Variants in GLG1 observed in about 807,000 individuals in gnomAD.
GLG1 encodes Golgi apparatus protein 1.
GLG1 carries 38 observed loss-of-function variants against 160.5 expected under a neutral mutation model. The observed-to-expected ratio is 0.24, with a 90% CI of 0.18 to 0.31. GLG1 has a LOEUF of 0.31. Ranked by LOEUF, GLG1 falls within the 10% of genes least tolerant of loss-of-function variation. The pLI is 1.00. For synonymous variants in GLG1, 644 were observed against 543.4 expected, an observed-to-expected ratio of 1.19 and a Z score of -2.57; for missense variants, 1,373 against 1,505.2, an observed-to-expected ratio of 0.91 and a Z score of 1.45.
Position 74,477,393 on chromosome 16 carries a change from T to G in GLG1, c.1965+3A>C, listed in dbSNP as rs1472286993. On this transcript the variant is annotated splice_donor_region_variant and intron_variant, in intron 12 of 25. Transcript: ENST00000422840. ...AAGACAAACAGAAAGCGATGTCACC[T>G]ACCTGTCCAGTCTCTGTTTTCTCAC... 1.2e-6 allele frequency: 2 copies of G among 1,608,206 alleles called. No homozygotes were observed. The highest frequency in any genetic ancestry group is 1.7e-6 in the Non-Finnish European group (2 of 1,174,740).
chr16:74,526,998 T>C (rs1418453355), intron 2 of GLG1, among the ~76,000 whole-genome samples: 4 of 152,190 alleles, frequency 2.6e-5, no homozygotes, highest in African/African-American at 4.8e-5. Flanking sequence ...GTAAGGGTCA[T>C]GATGGCTAAA....
At chr16:74,521,111 G>A (rs1342777656) in intron 2 of GLG1, among the ~76,000 whole-genome samples, 3 of 152,138 alleles carry the variant, frequency 2.0e-5, no homozygotes, top group Non-Finnish European at 4.4e-5. Flanking sequence ...AAAGAATAGC[G>A]AATGCAAAAG....
chr16:74,476,752 C>T (rs1188579764), intron 12 of GLG1, among the ~76,000 whole-genome samples: 1 of 152,118 alleles, frequency 6.6e-6, no homozygotes, highest in Admixed American at 6.5e-5. Context: ...CCCTCTGCTT[C>T]CTAGATGGAG....
At position 74,590,013 on chromosome 16, in the gene GLG1, T is replaced by TG. The variant is rs146381125; in HGVS notation, c.438+16643_438+16644insC. Among the ~76,000 whole-genome samples the TG allele has an allele frequency of 8.8e-4, 130 of 148,150 alleles. No homozygotes were observed. The East Asian group carries it at 9.1e-3, about 10-fold the overall frequency. ...ACTTCACTTTTGTTGTTGTTGTTGT[T>TG]TTTTTGAGATGGAGTCTAGCTCTGT... On this transcript the variant is annotated intron_variant, in intron 1 of 25. Transcript: ENST00000422840.
chr16:74,497,076 C>T (rs1308840916), intron 4 of GLG1, among the ~76,000 whole-genome samples: 1 of 151,888 alleles, frequency 6.6e-6, no homozygotes, highest in African/African-American at 2.4e-5. Context: ...GTCAGGAGTT[C>T]GAGACCAGCC....
chr16:74,453,012 G>A lies in GLG1; in HGVS notation c.*155C>T. The A allele has an allele frequency of 7.2e-7, 1 of 1,379,786 alleles. No homozygotes were observed. Among genetic ancestry groups the A allele is most frequent in the Non-Finnish European group, 9.4e-7 (1 of 1,064,802 alleles). 85.5% of individuals were successfully genotyped at this position (1,379,786 alleles called of 1,614,324 possible). ...GGAGGAGGACACCATGGACACGAGT[G>A]GAGGCTGGATGGGACAACGCAGTGG... On this transcript the variant is annotated 3_prime_UTR_variant, in exon 26 of 26. Transcript: ENST00000422840.
intron 3 of GLG1, among the ~76,000 whole-genome samples, chr16:74,506,607 C>CAAAAAAAAAAA (rs1567489940): frequency 1.6e-5 from 2 of 126,742 alleles, no homozygotes; most frequent in Admixed American, 9.3e-5. Flanking sequence ...AAAAAAAACT[C>CAAAAAAAAAAA]AAGAGAAACC....
chr16:74,476,647 C>A (rs75812782), intron 12 of GLG1, among the ~76,000 whole-genome samples: 13,742 of 152,132 alleles, frequency 0.09, 630 homozygotes, highest in African/African-American at 0.11. Context: ...CCCACATGAC[C>A]TGCAGTCATG....
At chr16:74,497,444 T>TC (rs2016237636) in intron 4 of GLG1, among the ~76,000 whole-genome samples, 1 of 142,294 alleles carries the variant, frequency 7.0e-6, no homozygotes, top group Admixed American at 6.8e-5. Context: ...CTTTTTTTTT[T>TC]TTTTTTTTTT....
chr16:74,504,178 C>A (rs1017923019), intron 3 of GLG1, among the ~76,000 whole-genome samples: 2 of 152,110 alleles, frequency 1.3e-5, no homozygotes, highest in African/African-American at 2.4e-5. Flanking sequence ...AAAGTGAAGT[C>A]CAGCTGCATA....
At chr16:74,591,444 C>T (rs1043081168) in intron 1 of GLG1, among the ~76,000 whole-genome samples, 2 of 151,944 alleles carry the variant, frequency 1.3e-5, no homozygotes, top group Non-Finnish European at 2.9e-5. Context: ...CTGGCTAACA[C>T]GGTGAAATCC....
At chr16:74,583,410 C>T (rs769477085) in intron 1 of GLG1, among the ~76,000 whole-genome samples, 47 of 152,156 alleles carry the variant, frequency 3.1e-4, no homozygotes, top group Admixed American at 2.1e-3. Flanking sequence ...CGCAGAGTTT[C>T]GCTCTTGTCC....
chr16:74,518,670 T>A (rs1012806312), intron 2 of GLG1, among the ~76,000 whole-genome samples: 1 of 152,108 alleles, frequency 6.6e-6, no homozygotes, highest in African/African-American at 2.4e-5. Flanking sequence ...CCAAAAGCAA[T>A]GGCAACAAAA....
rs540704551 is a variant in GLG1, at chr16:74,486,051, A to G, written c.1450-134T>C. 8 of 641,384 alleles carry G rather than the reference A, an allele frequency of 1.2e-5. No homozygotes were observed. In the Admixed American group the frequency reaches 2.4e-4, roughly 20 times the overall value. 39.7% of individuals were successfully genotyped at this position (641,384 alleles called of 1,614,324 possible). A position where few individuals can be genotyped will look rare whatever the true frequency, so the allele number is the denominator to read the frequency against. On this transcript the variant is annotated intron_variant, in intron 8 of 25. Transcript: ENST00000422840. ...AATAAAGTTGTCTACAGTTGTCACT[A>G]GCCAAGCTCAAGAGCATTTGCCAAA...
intron 2 of GLG1, 103 bp from the exon 3 acceptor site, chr16:74,509,028 A>G: frequency 1.7e-6 from 1 of 605,502 alleles, no homozygotes; most frequent in Non-Finnish European, 3.0e-6. Flanking sequence ...ACAGAGTCAG[A>G]CAAAGCATAT....
intron 22 of GLG1, among the ~76,000 whole-genome samples, chr16:74,460,874 C>G (rs781026441): frequency 1.3e-5 from 2 of 152,218 alleles, no homozygotes; most frequent in Non-Finnish European, 2.9e-5. Flanking sequence ...AAAGCAAACG[C>G]TTGACATTCA....
At chr16:74,464,794 G>A (rs1381806669) in intron 19 of GLG1, among the ~76,000 whole-genome samples, 1 of 151,964 alleles carries the variant, frequency 6.6e-6, no homozygotes, top group Non-Finnish European at 1.5e-5. Flanking sequence ...TTACTTTAAA[G>A]GAAAGCTGAA....
chr16:74,519,294 A>C (rs1390225625), intron 2 of GLG1, among the ~76,000 whole-genome samples: 1 of 138,998 alleles, frequency 7.2e-6, no homozygotes, highest in Non-Finnish European at 1.5e-5. Context: ...ATGACAACAC[A>C]TGGTCACAGG....
chr16:74,560,325 T>C (rs1465079999), intron 1 of GLG1, among the ~76,000 whole-genome samples: 1 of 112,344 alleles, frequency 8.9e-6, no homozygotes, highest in East Asian at 3.4e-4. Flanking sequence ...TCAGTTTTTG[T>C]CTTTTTTTTT....
Sources: gnomAD v4.1 joint callset for allele counts (sites outside exome capture counted in the v4.1 genomes callset) on GRCh38, gnomAD v4.1.1 for gene constraint, MANE v1.5 for transcripts, NCBI Gene and HGNC (gene_info 2026-07-23, HGNC 2026-07-21) for gene names.